HGF: variants seen among roughly 807,000 people sequenced by gnomAD.
The protein encoded by HGF is hepatocyte growth factor, also known as fibroblast-derived tumor cytotoxic factor.
HGF carries 39 observed loss-of-function variants against 111.6 expected under a neutral mutation model. That is an observed-to-expected ratio of 0.35 (90% CI 0.27 to 0.46). The LOEUF (loss-of-function observed/expected upper bound fraction) is 0.46. Ranked by LOEUF, HGF falls within the 20% of genes least tolerant of loss-of-function variation. HGF has a pLI of 1.00. For synonymous variants in HGF, 285 were observed against 294.8 expected (o/e 0.97, Z 0.34); for missense variants, 735 against 910.5 (o/e 0.81, Z 2.48).
intron 7 of HGF, among the ~76,000 whole-genome samples, chr7:81,737,555 A>G (rs1787872929): frequency 6.6e-6 from 1 of 152,096 alleles, no homozygotes; most frequent in African/African-American, 2.4e-5. Context: ...AAACTTTCAG[A>G]TGGCACATGA....
At chr7:81,748,663 T>TAAAAC (rs10654214) in intron 5 of HGF, among the ~76,000 whole-genome samples, 104,997 of 150,074 alleles carry the variant, frequency 0.7, 37,224 homozygotes, top group Middle Eastern at 0.84. Context: ...AGTTCTCCTC[T>TAAAAC]AAAACAAAAC....
At chr7:81,734,399 C>T (rs182340916) in intron 7 of HGF, among the ~76,000 whole-genome samples, 50 of 152,104 alleles carry the variant, frequency 3.3e-4, no homozygotes, top group Middle Eastern at 6.8e-3. Flanking sequence ...CATTTGCTAT[C>T]GAAATTTTTC....
At chr7:81,707,478 A>G (rs1562872054) in intron 13 of HGF, 114 bp from the exon 14 acceptor site, 3 of 692,844 alleles carry the variant, frequency 4.3e-6, no homozygotes, top group Non-Finnish European at 7.9e-6. Context: ...AGAGGAAAAT[A>G]TAGAAATTAA....
intron 5 of HGF, chr7:81,751,812 T>A: frequency 8.4e-7 from 1 of 1,187,748 alleles, no homozygotes; most frequent in Non-Finnish European, 1.1e-6. Context: ...CACACAGTAG[T>A]AGATTTTGAG....
At chr7:81,726,670 G>GA (rs1790021026) in intron 8 of HGF, among the ~76,000 whole-genome samples, 3 of 151,636 alleles carry the variant, frequency 2.0e-5, no homozygotes, top group Admixed American at 2.0e-4. Context: ...ATAGAAAAAC[G>GA]AACTATAGAA....
intron 6 of HGF, among the ~76,000 whole-genome samples, chr7:81,744,397 A>G (rs1323807845): frequency 6.6e-6 from 1 of 151,800 alleles, no homozygotes; most frequent in Non-Finnish European, 1.5e-5. Context: ...ACTTCTCCAA[A>G]TTGGCTTTTT....
chr7:81,738,838 T>G (rs1431700149), intron 7 of HGF, among the ~76,000 whole-genome samples: 1 of 152,110 alleles, frequency 6.6e-6, no homozygotes, highest in Non-Finnish European at 1.5e-5. Flanking sequence ...ACTAGAAAAG[T>G]GTTTATTTGA....
chr7:81,740,968 C>T (rs1787980084), intron 7 of HGF, among the ~76,000 whole-genome samples: 1 of 152,074 alleles, frequency 6.6e-6, no homozygotes, highest in Admixed American at 6.6e-5. Context: ...TTTGTTATGC[C>T]ACAATAGAAA....
At chr7:81,738,240 A>G (rs1325690472) in intron 7 of HGF, among the ~76,000 whole-genome samples, 1 of 152,168 alleles carries the variant, frequency 6.6e-6, no homozygotes, top group East Asian at 1.9e-4. Flanking sequence ...TACAGAAAAA[A>G]TACAATAAAT....
At chr7:81,724,338 G>T (rs1269920333) in intron 9 of HGF, among the ~76,000 whole-genome samples, 1 of 152,106 alleles carries the variant, frequency 6.6e-6, no homozygotes, top group Non-Finnish European at 1.5e-5. Context: ...TGTGGAAAAA[G>T]TTAAAGGATA....
At chr7:81,723,977 A>G (rs1004680748) in intron 9 of HGF, among the ~76,000 whole-genome samples, 2 of 152,080 alleles carry the variant, frequency 1.3e-5, no homozygotes, top group African/African-American at 4.8e-5. Flanking sequence ...ATTTTCACCT[A>G]TGAATGAATG....
chr7:81,755,068 G>A (rs1788692827), intron 4 of HGF: 1 of 152,130 alleles, frequency 6.6e-6, no homozygotes, highest in South Asian at 2.1e-4. Flanking sequence ...AATATTCACT[G>A]TGTTCCTAGG....
intron 17 of HGF, among the ~76,000 whole-genome samples, chr7:81,704,762 A>T (rs1163223165): frequency 6.6e-6 from 1 of 151,930 alleles, no homozygotes; most frequent in East Asian, 1.9e-4. Context: ...CATGTCTCTC[A>T]CATTCAAAAT....
intron 17 of HGF, among the ~76,000 whole-genome samples, chr7:81,703,306 T>G (rs1334594970): frequency 6.6e-6 from 1 of 151,038 alleles, no homozygotes; most frequent in Non-Finnish European, 1.5e-5. Context: ...AAACTTGTTG[T>G]CAACAAAATA....
chr7:81,719,872 AT>A (rs1789808337), intron 10 of HGF, among the ~76,000 whole-genome samples: 6 of 152,334 alleles, frequency 3.9e-5, no homozygotes, highest in Admixed American at 1.3e-4. Flanking sequence ...GAGCCCTTAA[AT>A]TCCTATCCAC....
At chr7:81,732,154 A>G (rs1215714649) in intron 7 of HGF, among the ~76,000 whole-genome samples, 4 of 152,204 alleles carry the variant, frequency 2.6e-5, no homozygotes, top group Non-Finnish European at 5.9e-5. Context: ...ATCTTTGGCT[A>G]GATATGGGTC....
chr7:81,731,207 C>T (rs768960525), intron 7 of HGF, among the ~76,000 whole-genome samples: 7 of 152,050 alleles, frequency 4.6e-5, no homozygotes, highest in Non-Finnish European at 1.0e-4. Flanking sequence ...TAATGACTAC[C>T]CTAATTACTG....
At chr7:81,723,073 C>T (rs539384632) in intron 9 of HGF, among the ~76,000 whole-genome samples, 2 of 151,850 alleles carry the variant, frequency 1.3e-5, no homozygotes, top group East Asian at 1.9e-4. Flanking sequence ...GGGTACTAGC[C>T]TTAGTACCCG....
At chr7:81,726,282 A>C (rs898010456) in intron 8 of HGF, among the ~76,000 whole-genome samples, 25 of 152,310 alleles carry the variant, frequency 1.6e-4, no homozygotes, top group Admixed American at 1.4e-3. Context: ...TTCATAAAAG[A>C]GAGAAACGGT....
Sources: gnomAD v4.1 joint callset for allele counts (sites outside exome capture counted in the v4.1 genomes callset) on GRCh38, gnomAD v4.1.1 for gene constraint, MANE v1.5 for transcripts, NCBI Gene and HGNC (gene_info 2026-07-23, HGNC 2026-07-21) for gene names.